Variants in PTPN4 observed in about 807,000 individuals in gnomAD.
The protein encoded by PTPN4 is protein tyrosine phosphatase non-receptor type 4.
Under a neutral mutation model 135.5 loss-of-function variants are expected in PTPN4, and 49 were observed. That is an observed-to-expected ratio of 0.36 (90% CI 0.29 to 0.46). The LOEUF (loss-of-function observed/expected upper bound fraction) is 0.46, where lower values mean the gene tolerates loss of function less well. Ranked by LOEUF, PTPN4 falls within the 20% of genes least tolerant of loss-of-function variation. The probability of loss-of-function intolerance (pLI) is 1.00; values close to 1 mark genes in which losing one functional copy is unlikely to be tolerated. For missense variants in PTPN4, 860 were observed against 1,101.0 expected (o/e 0.78, Z 3.10); for synonymous variants, 333 against 369.9 (o/e 0.90, Z 1.14).
chr2:119,796,148 GCTC>G (rs200859642), intron 1 of PTPN4, among the ~76,000 whole-genome samples: 3 of 147,250 alleles, frequency 2.0e-5, no homozygotes, highest in South Asian at 2.2e-4. Context: ...ACCCACTGCT[GCTC>G]CCACAGCTGC....
chr2:119,792,674 C>G (rs1691169652), intron 1 of PTPN4, among the ~76,000 whole-genome samples: 1 of 152,142 alleles, frequency 6.6e-6, no homozygotes, highest in African/African-American at 2.4e-5. Flanking sequence ...ACCAGAATAT[C>G]TATCGGGGAA....
chr2:119,869,466 G>T (rs1677878229), intron 3 of PTPN4, among the ~76,000 whole-genome samples: 1 of 152,124 alleles, frequency 6.6e-6, no homozygotes, highest in Non-Finnish European at 1.5e-5. Flanking sequence ...TGGGACTCTG[G>T]AGTCTAACTA....
rs184295727 is a variant in PTPN4, at chr2:119,902,244, T to A, written c.764+1438T>A. Among the ~76,000 whole-genome samples the A allele has an allele frequency of 3.1e-3, 470 of 152,294 alleles. 1 individual carries two copies. The highest frequency in any genetic ancestry group is 0.011 in the African/African-American group (445 of 41,572). ...ATGTTGTATTTCTCTTCAGAAACCA[T>A]GTAAGCAAGAAGAAACTGGAGTGAA... On this transcript the variant is annotated intron_variant, in intron 10 of 26. Transcript: ENST00000263708.
chr2:119,977,318 A>G lies in PTPN4; in HGVS notation c.*248A>G. 1 of 476,688 alleles carries G rather than the reference A, an allele frequency of 2.1e-6. No homozygotes were observed. The highest frequency in any genetic ancestry group is 7.1e-5 in the South Asian group (1 of 14,048). 29.5% of individuals were successfully genotyped at this position (476,688 alleles called of 1,614,324 possible). A position where few individuals can be genotyped will look rare whatever the true frequency, so the allele number is the denominator to read the frequency against. ...AAATAGTAAATAACTGAGTATGTTC[A>G]GGGTAATTTATGAAATTTTGTGGTG... On this transcript the variant is annotated 3_prime_UTR_variant, in exon 27 of 27. Transcript: ENST00000263708.
chr2:119,841,208 CATT>C (rs754067742), intron 2 of PTPN4, among the ~76,000 whole-genome samples: 15 of 151,998 alleles, frequency 9.9e-5, no homozygotes, highest in Admixed American at 1.3e-4. Context: ...TATTTTTTCT[CATT>C]AATAAAACCC....
At position 119,967,875 on chromosome 2, in the gene PTPN4, A is replaced by C; in HGVS notation, c.2597A>C (p.Glu866Ala). 1 of 1,611,498 alleles carries C rather than the reference A, an allele frequency of 6.2e-7. No homozygotes were observed. The highest frequency in any genetic ancestry group is 8.5e-7 in the Non-Finnish European group (1 of 1,178,288). ...AGAACTGGGGTTCTTATTACTATGG[A>C]AACAGCCATGTGTCTCATTGAATGC... ...IGRTGVLITMETAMCLIECNQ... is the reference protein window; with the variant it reads ...IGRTGVLITMATAMCLIECNQ... Residue 866 changes from glutamate to alanine, a missense_variant, in exon 26 of 27, where the codon GAA becomes GCA. Glu to Ala is a moderately radical substitution (Grantham distance 107). Transcript: ENST00000263708.
At chr2:119,971,492 T>C (rs1297572037) in intron 26 of PTPN4, among the ~76,000 whole-genome samples, 1 of 152,266 alleles carries the variant, frequency 6.6e-6, no homozygotes, top group Non-Finnish European at 1.5e-5. Context: ...TGGAGAACTG[T>C]TCAAATCTTT....
chr2:119,957,189 T>A, intron 22 of PTPN4, 112 bp downstream of exon 22: 1 of 962,052 alleles, frequency 1.0e-6, no homozygotes, highest in Non-Finnish European at 1.5e-6. Context: ...AACTTTCAGC[T>A]ATGAAAAATA....
rs754446836 is a variant in PTPN4, at chr2:119,862,569, G to A, written c.172G>A (p.Val58Ile). ...TCAGGGGCAAGTCTTGTTGGATGTC[G>A]TCTTCAAGCATCTAGATTTGACTGA... ...HDQGQVLLDV[V>I]FKHLDLTEQD... Residue 58 changes from valine (V) to isoleucine (I), a missense_variant, in exon 3 of 27, where the codon GTC becomes ATC. Physicochemically the swap from Val to Ile is conservative, Grantham distance 29 (BLOSUM62 3). This residue lies in a region of PTPN4 where 684 missense variants were observed against 807.0 expected (regional missense o/e 0.85). Transcript: ENST00000263708. 16 of 1,610,820 alleles carry A rather than the reference G, an allele frequency of 9.9e-6. No individual in the cohort carries two copies. Among genetic ancestry groups the A allele is most frequent in the Non-Finnish European group, 1.2e-5 (14 of 1,178,666 alleles).
intron 9 of PTPN4, among the ~76,000 whole-genome samples, chr2:119,889,814 T>A (rs1182100250): frequency 6.6e-6 from 1 of 152,230 alleles, no homozygotes; most frequent in Non-Finnish European, 1.5e-5. Context: ...TGCTATGTTG[T>A]ATTCCATTTT....
At chr2:119,837,607 G>A (rs1351250691) in intron 2 of PTPN4, among the ~76,000 whole-genome samples, 1 of 152,224 alleles carries the variant, frequency 6.6e-6, no homozygotes, top group Non-Finnish European at 1.5e-5. Flanking sequence ...CACAAACACG[G>A]CTAAAACACG....
chr2:119,904,642 A>C (rs1678458402), intron 10 of PTPN4, among the ~76,000 whole-genome samples: 1 of 152,216 alleles, frequency 6.6e-6, no homozygotes, highest in Non-Finnish European at 1.5e-5. Flanking sequence ...TAAAAAGAGC[A>C]AGAGGAAAGG....
At position 119,932,464 on chromosome 2, in the gene PTPN4, G is replaced by A; in HGVS notation, c.1111G>A (p.Glu371Lys). The A allele has an allele frequency of 6.2e-7, 1 of 1,611,094 alleles. No individual in the cohort carries two copies. The highest frequency in any genetic ancestry group is 8.5e-7 in the Non-Finnish European group (1 of 1,177,738). Residue 371 changes from glutamate to lysine, a missense_variant, in exon 14 of 27, where the codon GAA becomes AAA. Glu to Lys is a moderately conservative substitution (Grantham distance 56). Coordinates refer to ENST00000263708, the MANE Select transcript of PTPN4 (RefSeq NM_002830.4). ...CTTGGCACGGAAATTAATGGATTGG[G>A]AAGTAGTAAGCAGAAATTCAATATC... ...KPLARKLMDWEVVSRNSISDD... is the reference protein window; with the variant it reads ...KPLARKLMDWKVVSRNSISDD...
At chr2:119,968,631 A>C (rs1679479570) in intron 26 of PTPN4, among the ~76,000 whole-genome samples, 1 of 152,144 alleles carries the variant, frequency 6.6e-6, no homozygotes, top group South Asian at 2.1e-4. Context: ...CTCTACTAAA[A>C]ATGCAAAAAA....
chr2:119,882,263 C>A, intron 7 of PTPN4, 114 bp downstream of exon 7: 2 of 1,144,144 alleles, frequency 1.7e-6, no homozygotes, highest in South Asian at 2.8e-5. Context: ...AAAATAGTGA[C>A]TGCAGTGGAA....
chr2:119,917,623 G>C (rs1219638115), intron 11 of PTPN4, among the ~76,000 whole-genome samples: 1 of 152,052 alleles, frequency 6.6e-6, no homozygotes, highest in Non-Finnish European at 1.5e-5. Flanking sequence ...CCCGTTGCTT[G>C]GGAGGCTAAG....
At position 119,809,870 on chromosome 2, in the gene PTPN4, G is replaced by C; in HGVS notation, c.17G>C (p.Arg6Pro). Residue 6 changes from arginine (R) to proline (P), a missense_variant, in exon 2 of 27, where the codon CGA (arginine) becomes CCA (proline). Arg to Pro is a moderately radical substitution (Grantham distance 103). Around this residue, in one of 2 missense-constraint regions of PTPN4, gnomAD observed 684 missense variants for 807.0 expected, o/e 0.85. Coordinates refer to ENST00000263708, the MANE Select transcript of PTPN4 (RefSeq NM_002830.4). ...TGGACAGTAATGACCTCACGTTTCC[G>C]ATTGCCTGCTGGCAGAACCTACAAT... MTSRF[R>P]LPAGRTYNVR... The C allele has an allele frequency of 6.2e-7, 1 of 1,608,858 alleles. No individual in the cohort carries two copies. Among genetic ancestry groups the C allele is most frequent in the Non-Finnish European group, 8.5e-7 (1 of 1,178,720 alleles).
Position 119,796,860 on chromosome 2 carries a change from TTGTGTGTG to T in PTPN4, c.-17-12947_-17-12940del, listed in dbSNP as rs112883330. ...CCAGCATTTGGCATTGTCACTGTTT[TTGTGTGTG>T]TGTGTGTGTGTGTGTGTGTGTGTGT... On this transcript the variant is annotated intron_variant, in intron 1 of 26. Coordinates refer to ENST00000263708, the MANE Select transcript of PTPN4 (RefSeq NM_002830.4). 4.7e-3 allele frequency among the ~76,000 whole-genome samples: 700 copies of T among 147,570 alleles called. 6 individuals are homozygous for T. The highest frequency in any genetic ancestry group is 0.016 in the African/African-American group (643 of 40,302).
chr2:119,949,104 T>G (rs1420668800), intron 18 of PTPN4, among the ~76,000 whole-genome samples: 1 of 152,190 alleles, frequency 6.6e-6, no homozygotes, highest in Non-Finnish European at 1.5e-5. Context: ...ATAGATATAT[T>G]CATTTCCAAA....
Sources: allele counts gnomAD v4.1 joint callset (sites outside exome capture counted in the v4.1 genomes callset), GRCh38; gene constraint gnomAD v4.1.1; regional missense constraint gnomAD v4.1.1; transcripts MANE v1.5; gene names NCBI Gene and HGNC (gene_info 2026-07-23, HGNC 2026-07-21).